The following CBFB variants were observed in gnomAD, a reference collection of about 807,000 sequenced individuals.
The protein encoded by CBFB is CBF-beta.
A neutral mutation model predicts 30.4 loss-of-function variants in CBFB; 9 were observed. The ratio of observed to expected loss-of-function variants is 0.30; its 90% CI spans 0.18 to 0.52. The LOEUF (loss-of-function observed/expected upper bound fraction) is 0.52, where lower values mean the gene tolerates loss of function less well. Ranked by LOEUF, CBFB falls within the 20% of genes least tolerant of loss-of-function variation. CBFB has a pLI of 0.97. For missense variants in CBFB, 170 were observed against 244.0 expected, an observed-to-expected ratio of 0.70 and a Z score of 2.02; for synonymous variants, 94 against 84.0, an observed-to-expected ratio of 1.12 and a Z score of -0.65.
At chr16:67,055,843 T>C (rs765021404) in intron 3 of CBFB, among the ~76,000 whole-genome samples, 3 of 152,184 alleles carry the variant, frequency 2.0e-5, no homozygotes, top group Non-Finnish European at 2.9e-5. Flanking sequence ...TGACTGTCCA[T>C]TTATGAACAG....
At chr16:67,078,801 CA>C (rs1426142768) in intron 4 of CBFB, among the ~76,000 whole-genome samples, 2 of 152,222 alleles carry the variant, frequency 1.3e-5, no homozygotes, top group African/African-American at 4.8e-5. Context: ...AGGGGCCTGC[CA>C]CCATGCCTGG....
At chr16:67,036,798 T>C (rs370871235) in intron 3 of CBFB, 43 bp downstream of exon 3, 1 of 1,044,484 alleles carries the variant, frequency 9.6e-7, no homozygotes, top group African/African-American at 1.6e-5. Context: ...GTGGGTTGTT[T>C]TGTTAGAGAT....
At chr16:67,049,072 C>T (rs940898930) in intron 3 of CBFB, among the ~76,000 whole-genome samples, 9 of 151,790 alleles carry the variant, frequency 5.9e-5, no homozygotes, top group African/African-American at 2.2e-4. Context: ...CTACCCACCT[C>T]GGCCTCATAA....
chr16:67,043,256 C>T (rs984668271), intron 3 of CBFB, among the ~76,000 whole-genome samples: 1 of 152,034 alleles, frequency 6.6e-6, no homozygotes, highest in Non-Finnish European at 1.5e-5. Context: ...TTAAATTTAG[C>T]GAACTCAGAA....
chr16:67,091,852 G>T (rs1290149671), intron 5 of CBFB, among the ~76,000 whole-genome samples: 3 of 151,014 alleles, frequency 2.0e-5, no homozygotes, highest in Non-Finnish European at 3.0e-5. Context: ...TCTAGGTTTT[G>T]TTGTTGTTGT....
intron 3 of CBFB, among the ~76,000 whole-genome samples, chr16:67,047,037 C>T (rs1192665253): frequency 1.3e-5 from 2 of 151,802 alleles, no homozygotes; most frequent in East Asian, 1.9e-4. Context: ...AAGGGCCGGG[C>T]GCAGTAGCTC....
At chr16:67,083,538 C>T (rs1961630592) in intron 5 of CBFB, among the ~76,000 whole-genome samples, 1 of 152,116 alleles carries the variant, frequency 6.6e-6, no homozygotes, top group Admixed American at 6.6e-5. Context: ...TCATGATCCA[C>T]CCACCTCAAC....
At chr16:67,063,956 G>A (rs1424354959) in intron 3 of CBFB, among the ~76,000 whole-genome samples, 2 of 152,072 alleles carry the variant, frequency 1.3e-5, no homozygotes, top group Non-Finnish European at 2.9e-5. Context: ...AATTAAACAG[G>A]TAATAAATAA....
intron 1 of CBFB, 43 bp downstream of exon 1, chr16:67,029,528 C>G (rs1392583259): frequency 1.3e-6 from 2 of 1,542,780 alleles, no homozygotes; most frequent in Admixed American, 1.9e-5. Flanking sequence ...CAGCGCGCCC[C>G]GAGTGGGCCC....
Position 67,082,203 on chromosome 16 carries a change from A to AT in CBFB, c.400-8dup, listed in dbSNP as rs34374196. ...CAAAATTAAAATAGGTATTTCATGT[A>AT]TTCTGACAGCAGGAGGATGCATTAG... On this transcript the variant is annotated splice_polypyrimidine_tract_variant and intron_variant, in intron 4 of 5. Coordinates refer to ENST00000412916, the MANE Select transcript of CBFB (RefSeq NM_022845.3). 3 of 1,554,224 alleles carry AT rather than the reference A, an allele frequency of 1.9e-6. No homozygotes were observed. Among genetic ancestry groups the AT allele is most frequent in the Non-Finnish European group, 1.7e-6 (2 of 1,145,214 alleles).
At chr16:67,089,537 C>T (rs1046874275) in intron 5 of CBFB, among the ~76,000 whole-genome samples, 8 of 152,202 alleles carry the variant, frequency 5.3e-5, no homozygotes, top group African/African-American at 1.7e-4. Flanking sequence ...TCTCTATTCT[C>T]TGGCATATAG....
At chr16:67,045,350 T>C (rs1329691280) in intron 3 of CBFB, among the ~76,000 whole-genome samples, 1 of 152,020 alleles carries the variant, frequency 6.6e-6, no homozygotes, top group African/African-American at 2.4e-5. Flanking sequence ...ACCCCACCTC[T>C]ACTAAAAATA....
chr16:67,050,611 A>G (rs1966724178), intron 3 of CBFB, among the ~76,000 whole-genome samples: 1 of 152,036 alleles, frequency 6.6e-6, no homozygotes, highest in Admixed American at 6.6e-5. Flanking sequence ...CCTGGGCAAT[A>G]TGAGACCCTG....
chr16:67,039,938 A>G (rs1354161437), intron 3 of CBFB, among the ~76,000 whole-genome samples: 3 of 152,164 alleles, frequency 2.0e-5, no homozygotes, highest in Non-Finnish European at 2.9e-5. Context: ...TGCATAGGTC[A>G]TGTATTTCTC....
At chr16:67,033,824 T>G (rs1176558497) in intron 2 of CBFB, among the ~76,000 whole-genome samples, 12 of 145,764 alleles carry the variant, frequency 8.2e-5, no homozygotes, top group Non-Finnish European at 1.5e-4. Flanking sequence ...CCGTTGTTTT[T>G]TTTTTTTTTT....
At chr16:67,088,414 G>A (rs1485428092) in intron 5 of CBFB, among the ~76,000 whole-genome samples, 1 of 152,148 alleles carries the variant, frequency 6.6e-6, no homozygotes, top group Non-Finnish European at 1.5e-5. Context: ...TGATAAAACT[G>A]AGAGTCTCCA....
intron 3 of CBFB, among the ~76,000 whole-genome samples, chr16:67,066,176 T>A (rs1451772547): frequency 2.0e-5 from 3 of 152,048 alleles, no homozygotes; most frequent in African/African-American, 7.2e-5. Flanking sequence ...GGAACCCACG[T>A]TGAGGGAAGC....
At chr16:67,060,277 A>G (rs926147146) in intron 3 of CBFB, among the ~76,000 whole-genome samples, 6 of 152,200 alleles carry the variant, frequency 3.9e-5, no homozygotes, top group Admixed American at 1.3e-4. Context: ...AGCAAACTTT[A>G]AAAAATGACA....
chr16:67,078,976 C>T (rs757630605), intron 4 of CBFB, among the ~76,000 whole-genome samples: 11 of 152,236 alleles, frequency 7.2e-5, no homozygotes, highest in Non-Finnish European at 1.3e-4. Context: ...TTTTTCCTGT[C>T]ATCGGCAGAT....
Sources: allele counts gnomAD v4.1 joint callset (sites outside exome capture counted in the v4.1 genomes callset), GRCh38; gene constraint gnomAD v4.1.1; transcripts MANE v1.5; gene names NCBI Gene and HGNC (gene_info 2026-07-23, HGNC 2026-07-21).